CTNNA3: variants seen among roughly 807,000 people sequenced by gnomAD.
The protein encoded by CTNNA3 is catenin alpha-3.
A neutral mutation model predicts 95.7 loss-of-function variants in CTNNA3; 76 were observed. The ratio of observed to expected loss-of-function variants is 0.79; its 90% confidence interval spans 0.66 to 0.96. The LOEUF (loss-of-function observed/expected upper bound fraction) is 0.96, where lower values mean the gene tolerates loss of function less well. Ranked by LOEUF, CTNNA3 falls within the 40% of genes least tolerant of loss-of-function variation. The pLI is 0.00. For missense variants in CTNNA3, 1,191 were observed against 1,089.8 expected, an observed-to-expected ratio of 1.09 and a Z score of -1.31; for synonymous variants, 431 against 374.4, an observed-to-expected ratio of 1.15 and a Z score of -1.74.
At chr10:67,684,569 G>A (rs750003825) in intron 1 of CTNNA3, among the ~76,000 whole-genome samples, 20 of 152,276 alleles carry the variant, frequency 1.3e-4, no homozygotes, top group Admixed American at 4.6e-4. Flanking sequence ...GGCGATGACC[G>A]CTCTAGCTAC....
chr10:66,220,646 G>A (rs1315868141), intron 13 of CTNNA3, among the ~76,000 whole-genome samples: 3 of 152,196 alleles, frequency 2.0e-5, no homozygotes, highest in African/African-American at 7.2e-5. Context: ...GACGGTAAAT[G>A]TGGGGGATTT....
At position 66,518,283 on chromosome 10, in the gene CTNNA3, TC is replaced by T. The variant is rs557928667; in HGVS notation, c.1531+2333del. Among the ~76,000 whole-genome samples the T allele has an allele frequency of 2.4e-3, 369 of 152,198 alleles. 8 individuals are homozygous for T. The highest frequency in any genetic ancestry group is 3.5e-3 in the Non-Finnish European group (237 of 68,014). ...CTACAATATCCCTGGATCCCAGGCC[TC>T]CCCCAGCTCTAATCATGCAAAGATT... On this transcript the variant is annotated intron_variant, in intron 11 of 17. Transcript: ENST00000433211.
chr10:66,129,571 C>T lies in CTNNA3; in HGVS notation c.1885-26322G>A, dbSNP rs562719120. Among the ~76,000 whole-genome samples the T allele has an allele frequency of 4.6e-5, 7 of 152,242 alleles. No homozygotes were observed. In the East Asian group the frequency reaches 1.4e-3, roughly 30 times the overall value. ...TTGAACGTGAACTCTGCAGGGCGGTCTTGCCTCTGAGATGGGGTTGATTAG... is the reference window on the plus strand; with the variant it reads ...TTGAACGTGAACTCTGCAGGGCGGTTTTGCCTCTGAGATGGGGTTGATTAG... On this transcript the variant is annotated intron_variant, in intron 13 of 17. Coordinates refer to ENST00000433211, the MANE Select transcript of CTNNA3 (RefSeq NM_013266.4).
chr10:67,031,083 G>A (rs1397052931), intron 7 of CTNNA3, among the ~76,000 whole-genome samples: 1 of 152,142 alleles, frequency 6.6e-6, no homozygotes, highest in African/African-American at 2.4e-5. Flanking sequence ...CGTCATACTT[G>A]ACTTCTGTTT....
At position 66,766,144 on chromosome 10, in the gene CTNNA3, ACT is replaced by A. The variant is rs1839839979; in HGVS notation, c.1281+118_1281+119del. ...TACACCTTCATATTACTTTGGCCAG[ACT>A]CTGCTGTATTTGTAACACGGTGTCA... On this transcript the variant is annotated intron_variant, in intron 9 of 17. Coordinates refer to ENST00000433211, the MANE Select transcript of CTNNA3 (RefSeq NM_013266.4). 3 of 929,310 alleles carry A rather than the reference ACT, an allele frequency of 3.2e-6. No individual in the cohort carries two copies. In the South Asian group the frequency reaches 4.8e-5, roughly 15 times the overall value. The allele number at this position is 929,310 out of a possible 1,614,324, so 57.6% of individuals were successfully genotyped here.
chr10:67,573,929 G>A (rs1842057398), intron 3 of CTNNA3, among the ~76,000 whole-genome samples: 1 of 152,174 alleles, frequency 6.6e-6, no homozygotes, highest in African/African-American at 2.4e-5. Context: ...AGATGAAAAT[G>A]TTCAAGATGT....
At chr10:67,382,459 A>G (rs1843983286) in intron 5 of CTNNA3, among the ~76,000 whole-genome samples, 1 of 152,232 alleles carries the variant, frequency 6.6e-6, no homozygotes, top group African/African-American at 2.4e-5. Flanking sequence ...ATCAACTAAC[A>G]AAGGTTCATG....
intron 3 of CTNNA3, among the ~76,000 whole-genome samples, chr10:67,558,885 C>T (rs1841362574): frequency 6.6e-6 from 1 of 152,220 alleles, no homozygotes; most frequent in Non-Finnish European, 1.5e-5. Context: ...TCGCTGATTG[C>T]TAGCACATCA....
intron 13 of CTNNA3, among the ~76,000 whole-genome samples, chr10:66,174,162 T>G (rs2085582610): frequency 6.6e-6 from 1 of 152,136 alleles, no homozygotes; most frequent in South Asian, 2.1e-4. Context: ...CTCACACAGC[T>G]AGAAAAAGGC....
intron 9 of CTNNA3, among the ~76,000 whole-genome samples, chr10:66,646,495 A>G (rs999421236): frequency 3.3e-5 from 5 of 152,168 alleles, no homozygotes; most frequent in Non-Finnish European, 7.3e-5. Context: ...AAGACTGTCA[A>G]TAAAGACATG....
intron 7 of CTNNA3, among the ~76,000 whole-genome samples, chr10:67,097,045 G>A (rs796401595): frequency 2.6e-5 from 4 of 151,962 alleles, no homozygotes; most frequent in Admixed American, 6.6e-5. Flanking sequence ...TAATAGTCCA[G>A]CATCATATAG....
chr10:67,535,875 A>G (rs140019443), intron 4 of CTNNA3, among the ~76,000 whole-genome samples: 2,113 of 152,260 alleles, frequency 0.014, 23 homozygotes, highest in South Asian at 0.035. Flanking sequence ...TAAGGCAGTG[A>G]GAAATTTCCT....
At chr10:66,509,199 C>T (rs1048096991) in intron 11 of CTNNA3, among the ~76,000 whole-genome samples, 2 of 151,866 alleles carry the variant, frequency 1.3e-5, no homozygotes, top group African/African-American at 2.4e-5. Flanking sequence ...CTTTGAGAAA[C>T]GATGTCCAGA....
At chr10:66,610,760 G>A (rs772746275) in intron 10 of CTNNA3, among the ~76,000 whole-genome samples, 12 of 152,098 alleles carry the variant, frequency 7.9e-5, no homozygotes, top group Non-Finnish European at 1.8e-4. Context: ...ATATGATCCA[G>A]CAATCCCAAT....
At chr10:66,526,380 T>C (rs1173946122) in intron 10 of CTNNA3, among the ~76,000 whole-genome samples, 1 of 152,120 alleles carries the variant, frequency 6.6e-6, no homozygotes, top group East Asian at 1.9e-4. Context: ...AGAGACAAGG[T>C]TTCGTCATGT....
intron 10 of CTNNA3, among the ~76,000 whole-genome samples, chr10:66,610,927 A>ATG (rs1162040146): frequency 6.6e-6 from 1 of 152,174 alleles, no homozygotes; most frequent in East Asian, 1.9e-4. Flanking sequence ...AATGTGGCAT[A>ATG]TGTGTGTGTA....
chr10:66,447,696 C>T (rs926021085), intron 11 of CTNNA3, among the ~76,000 whole-genome samples: 4 of 151,954 alleles, frequency 2.6e-5, no homozygotes, highest in Non-Finnish European at 5.9e-5. Context: ...AAAGACTTAA[C>T]ATGTTAGACC....
intron 10 of CTNNA3, among the ~76,000 whole-genome samples, chr10:66,602,618 AC>A: frequency 6.6e-6 from 1 of 152,100 alleles, no homozygotes; most frequent in South Asian, 2.1e-4. Context: ...TTACCCTGAT[AC>A]CAACACCAGA....
chr10:66,410,381 T>C (rs950454989), intron 11 of CTNNA3, among the ~76,000 whole-genome samples: 1 of 152,148 alleles, frequency 6.6e-6, no homozygotes, highest in Non-Finnish European at 1.5e-5. Flanking sequence ...TCAGGCCTAC[T>C]TCTAGAAAAA....
Sources: allele counts gnomAD v4.1 joint callset (sites outside exome capture counted in the v4.1 genomes callset), GRCh38; gene constraint gnomAD v4.1.1; transcripts MANE v1.5; gene names NCBI Gene and HGNC (gene_info 2026-07-23, HGNC 2026-07-21).